The following CRACDL variants were observed in gnomAD, a reference collection of about 807,000 sequenced individuals.
CRACDL encodes CRACD like.
In CRACDL, 26 loss-of-function variants were observed where a neutral mutation model predicts 70.6. The ratio of observed to expected loss-of-function variants is 0.37; its 90% CI spans 0.27 to 0.51. The LOEUF (loss-of-function observed/expected upper bound fraction) is 0.51, where lower values mean the gene tolerates loss of function less well. CRACDL is among the 20% of genes least tolerant of loss of function. CRACDL has a pLI of 0.94. For synonymous variants in CRACDL, 618 were observed against 615.2 expected, an observed-to-expected ratio of 1.00 and a Z score of -0.07; for missense variants, 1,283 against 1,376.9, an observed-to-expected ratio of 0.93 and a Z score of 1.08.
At chr2:98,923,820 A>G (rs1404864845) in intron 1 of CRACDL, among the ~76,000 whole-genome samples, 2 of 152,240 alleles carry the variant, frequency 1.3e-5, no homozygotes, top group African/African-American at 4.8e-5. Context: ...TCAATATTGC[A>G]AAGGGAACTT....
At chr2:98,923,077 C>T (rs755888067) in intron 1 of CRACDL, among the ~76,000 whole-genome samples, 1 of 151,986 alleles carries the variant, frequency 6.6e-6, no homozygotes, top group Non-Finnish European at 1.5e-5. Context: ...CGAGACCAGC[C>T]TGGGCAACAC....
chr2:98,832,084 AGGGTTGATTCT>A (rs961542224), intron 5 of CRACDL, among the ~76,000 whole-genome samples: 2 of 152,224 alleles, frequency 1.3e-5, no homozygotes, highest in African/African-American at 4.8e-5. Context: ...GTCAAGGGAC[AGGGTTGATTCT>A]GGGTTGATTC....
intron 1 of CRACDL, among the ~76,000 whole-genome samples, chr2:98,873,889 C>T (rs1962029): frequency 0.4 from 60,478 of 152,040 alleles, 13,018 homozygotes; most frequent in African/African-American, 0.56. Context: ...GCCTGTAATC[C>T]CAGCTACTCA....
At chr2:98,927,117 G>A (rs189188205) in intron 1 of CRACDL, among the ~76,000 whole-genome samples, 51 of 152,354 alleles carry the variant, frequency 3.3e-4, no homozygotes, top group African/African-American at 7.2e-4. Flanking sequence ...CAGGGCTCAC[G>A]TCAAGAGGCC....
chr2:98,822,570 A>G lies in CRACDL; in HGVS notation c.1703T>C (p.Leu568Pro), dbSNP rs1705110551. The G allele has an allele frequency of 6.9e-7, 1 of 1,458,512 alleles. No homozygotes were observed. Among genetic ancestry groups the G allele is most frequent in the South Asian group, 1.3e-5 (1 of 75,994 alleles). 90.3% of individuals were successfully genotyped at this position (1,458,512 alleles called of 1,614,324 possible). Reference sequence around the variant, plus strand: ...CACCGAGAACTTCTTCGCGCCTCGCAGCTCGGCACCGCCCCTCTCCGCCTT... The same window carrying G: ...CACCGAGAACTTCTTCGCGCCTCGCGGCTCGGCACCGCCCCTCTCCGCCTT... ...ERKAERGGAE[L>P]RGAKKFSVSS... The change falls in exon 7 of 10, where the codon CTG (leucine) becomes CCG (proline). Residue 568 changes from leucine (L) to proline (P), a missense_variant. Leu to Pro is a moderately conservative substitution (Grantham distance 98). Around this residue, in one of 2 missense-constraint regions of CRACDL, gnomAD observed 921 missense variants for 881.9 expected, o/e 1.04. Coordinates refer to ENST00000397899, the MANE Select transcript of CRACDL (RefSeq NM_207362.3). The surrounding 1 kb of genome is among the most constrained non-coding windows in gnomAD (Gnocchi z 4.9).
chr2:98,822,367 C>G lies in CRACDL; in HGVS notation c.1906G>C (p.Gly636Arg). 1 of 1,470,460 alleles carries G rather than the reference C, an allele frequency of 6.8e-7. No individual in the cohort carries two copies. 91.1% of individuals were successfully genotyped at this position (1,470,460 alleles called of 1,614,324 possible). A position where few individuals can be genotyped will look rare whatever the true frequency, so the allele number is the denominator to read the frequency against. The change falls in exon 7 of 10, where the codon GGC becomes CGC. Residue 636 changes from glycine (G) to arginine (R), a missense_variant. Around this residue, in one of 2 missense-constraint regions of CRACDL, gnomAD observed 921 missense variants for 881.9 expected, o/e 1.04. Transcript: ENST00000397899. This position sits in a 1 kb window ranked among gnomAD's most constrained non-coding sequence, Gnocchi z 4.9. Reference protein sequence around the residue: ...KPGPRKLAERGPQDSGDRAAS... With the variant: ...KPGPRKLAERRPQDSGDRAAS... ...GCCCTGTCCCCCGAGTCCTGAGGGCCGCGCTCCGCCAGCTTCCGAGGGCCA... is the reference window on the plus strand; with the variant it reads ...GCCCTGTCCCCCGAGTCCTGAGGGCGGCGCTCCGCCAGCTTCCGAGGGCCA...
At chr2:98,887,067 A>G (rs1482890929) in intron 1 of CRACDL, among the ~76,000 whole-genome samples, 1 of 152,244 alleles carries the variant, frequency 6.6e-6, no homozygotes, top group Non-Finnish European at 1.5e-5. Flanking sequence ...TGCAAAGTAC[A>G]ATTACTGAAA....
chr2:98,851,254 T>A (rs1706470253), intron 1 of CRACDL, among the ~76,000 whole-genome samples: 1 of 152,150 alleles, frequency 6.6e-6, no homozygotes, highest in Non-Finnish European at 1.5e-5. Flanking sequence ...CTATGCCTAT[T>A]ATATTCACTG....
intron 1 of CRACDL, among the ~76,000 whole-genome samples, chr2:98,859,805 C>T (rs1706863247): frequency 6.6e-6 from 1 of 152,074 alleles, no homozygotes; most frequent in Non-Finnish European, 1.5e-5. Context: ...AGATTCTTGA[C>T]AGGGCAAGCA....
At chr2:98,930,904 CTA>C (rs936939862) in intron 1 of CRACDL, among the ~76,000 whole-genome samples, 1 of 152,074 alleles carries the variant, frequency 6.6e-6, no homozygotes, top group Non-Finnish European at 1.5e-5. Context: ...GGAGCATTTT[CTA>C]TGTTTGTCAT....
At chr2:98,855,509 T>TTATA (rs1228487788) in intron 1 of CRACDL, among the ~76,000 whole-genome samples, 4 of 152,142 alleles carry the variant, frequency 2.6e-5, no homozygotes, top group African/African-American at 9.7e-5. Flanking sequence ...AAATTTGGTA[T>TTATA]TATATCAAAT....
Position 98,823,677 on chromosome 2 carries a change from G to A in CRACDL, c.736-140C>T, listed in dbSNP as rs751643706. 9.5e-6 allele frequency: 10 copies of A among 1,052,910 alleles called. No individual in the cohort carries two copies. Among genetic ancestry groups the A allele is most frequent in the Admixed American group, 2.3e-5 (1 of 43,024 alleles). The allele number at this position is 1,052,910 out of a possible 1,614,324, so 65.2% of individuals were successfully genotyped here. A position where few individuals can be genotyped will look rare whatever the true frequency, so the allele number is the denominator to read the frequency against. ...GGCACTTAAGTAGGCATGTACCCACGGGTGTCTTTTCTCAGTCTGTATCCT... is the reference window on the plus strand; with the variant it reads ...GGCACTTAAGTAGGCATGTACCCACAGGTGTCTTTTCTCAGTCTGTATCCT... On this transcript the variant is annotated intron_variant, in intron 6 of 9. Transcript: ENST00000397899. This position sits in a 1 kb window ranked among gnomAD's most constrained non-coding sequence, Gnocchi z 4.0.
At chr2:98,884,633 G>A (rs1293759275) in intron 1 of CRACDL, among the ~76,000 whole-genome samples, 4 of 152,216 alleles carry the variant, frequency 2.6e-5, no homozygotes, top group Non-Finnish European at 1.5e-5. Flanking sequence ...ACCTTTGGCA[G>A]GTGATTAGGT....
chr2:98,835,461 A>T (rs964558637), intron 3 of CRACDL, among the ~76,000 whole-genome samples: 5 of 152,278 alleles, frequency 3.3e-5, no homozygotes, highest in African/African-American at 1.2e-4. Context: ...ATCAAAGATG[A>T]ATGGGGTCAT....
intron 1 of CRACDL, among the ~76,000 whole-genome samples, chr2:98,915,469 A>G (rs536211108): frequency 6.6e-6 from 1 of 152,284 alleles, no homozygotes; most frequent in African/African-American, 2.4e-5. Context: ...CTGGTGGAAC[A>G]TGACTTGCTG....
intron 9 of CRACDL, among the ~76,000 whole-genome samples, chr2:98,795,046 T>TAAAA (rs10642553): frequency 0.24 from 2,604 of 10,748 alleles, 512 homozygotes; most frequent in East Asian, 0.49. Context: ...TAAAAATATA[T>TAAAA]ATATATATAT....
intron 1 of CRACDL, among the ~76,000 whole-genome samples, chr2:98,926,503 C>T (rs75813557): frequency 0.039 from 6,012 of 152,276 alleles, 168 homozygotes; most frequent in Middle Eastern, 0.071. Context: ...GAGCGTGCAC[C>T]ATGAAGCAAG....
chr2:98,914,909 T>C (rs1413870109), intron 1 of CRACDL, among the ~76,000 whole-genome samples: 1 of 152,198 alleles, frequency 6.6e-6, no homozygotes, highest in African/African-American at 2.4e-5. Context: ...GGAAGGCTGC[T>C]CCCAGAGCAG....
intron 7 of CRACDL, among the ~76,000 whole-genome samples, chr2:98,817,756 G>T (rs947196387): frequency 1.3e-5 from 2 of 152,124 alleles, no homozygotes; most frequent in Non-Finnish European, 2.9e-5. Context: ...AGAAACAGAG[G>T]GTCAGAGACT....
Sources: gnomAD v4.1 joint callset for allele counts (sites outside exome capture counted in the v4.1 genomes callset) on GRCh38, gnomAD v4.1.1 for gene constraint, gnomAD v4.1.1 regional missense constraint, Gnocchi (gnomAD v3.1) non-coding constraint, MANE v1.5 for transcripts, NCBI Gene and HGNC (gene_info 2026-07-23, HGNC 2026-07-21) for gene names.